Variants in ASTN2 observed in about 807,000 individuals in gnomAD.
ASTN2 encodes astrotactin-2.
In ASTN2, 54 loss-of-function variants were observed where a neutral mutation model predicts 139.8. The observed-to-expected ratio is 0.39, with a 90% CI of 0.31 to 0.48. ASTN2 has a LOEUF of 0.48. ASTN2 is among the 20% of genes least tolerant of loss of function. The pLI, the probability that ASTN2 is intolerant of heterozygous loss-of-function variation, is 0.95. For synonymous variants in ASTN2, 756 were observed against 719.5 expected (o/e 1.05, Z -0.81); for missense variants, 1,565 against 1,725.1 (o/e 0.91, Z 1.64).
chr9:116,515,618 T>A (rs1470504790), intron 19 of ASTN2, among the ~76,000 whole-genome samples: 1 of 152,160 alleles, frequency 6.6e-6, no homozygotes, highest in Non-Finnish European at 1.5e-5. Context: ...CTTTTGGACT[T>A]CTGGTAGCCT....
rs1423679110 is a variant in ASTN2, at chr9:117,352,008, A to G, written c.443-60495T>C. ...TAAGTAAACACCGCTTACTATTAAT[A>G]TCTTTTTAATTGAATCAACTGTGAA... On this transcript the variant is annotated intron_variant, in intron 1 of 22. Coordinates refer to ENST00000313400, the MANE Select transcript of ASTN2 (RefSeq NM_001365068.1). Among the ~76,000 whole-genome samples the G allele has an allele frequency of 2.6e-5, 4 of 152,188 alleles. No homozygotes were observed. The East Asian group carries it at 5.8e-4, about 22-fold the overall frequency.
chr9:117,071,722 T>G (rs538996017), intron 5 of ASTN2, among the ~76,000 whole-genome samples: 11 of 149,792 alleles, frequency 7.3e-5, no homozygotes, highest in African/African-American at 1.0e-4. Flanking sequence ...GGTGCGCCGT[T>G]TCTTAAGCCG....
intron 20 of ASTN2, among the ~76,000 whole-genome samples, chr9:116,476,027 A>T (rs1024513473): frequency 6.6e-6 from 1 of 152,212 alleles, no homozygotes; most frequent in South Asian, 2.1e-4. Flanking sequence ...TGGTGGCTTA[A>T]AACAACAGAA....
At chr9:116,498,038 C>A (rs1014471800) in intron 19 of ASTN2, among the ~76,000 whole-genome samples, 14 of 152,218 alleles carry the variant, frequency 9.2e-5, no homozygotes, top group Admixed American at 9.2e-4. Flanking sequence ...GCCCTAGGAG[C>A]CCCTCTGTCC....
chr9:117,292,788 A>G (rs1036287280), intron 1 of ASTN2, among the ~76,000 whole-genome samples: 1 of 152,142 alleles, frequency 6.6e-6, no homozygotes, highest in Non-Finnish European at 1.5e-5. Flanking sequence ...TCCATGTCCC[A>G]CTGCAGCACC....
At chr9:116,598,815 A>AACCTTCACAGAGGTGAAGAT (rs1199641692) in intron 19 of ASTN2, among the ~76,000 whole-genome samples, 3 of 152,354 alleles carry the variant, frequency 2.0e-5, no homozygotes, top group African/African-American at 4.8e-5. Context: ...ATCTTAGATG[A>AACCTTCACAGAGGTGAAGAT]ACCTTCACAG....
chr9:116,810,010 T>C (rs1831123656), intron 12 of ASTN2, among the ~76,000 whole-genome samples: 1 of 152,190 alleles, frequency 6.6e-6, no homozygotes, highest in African/African-American at 2.4e-5. Context: ...TTGGAGACCA[T>C]GCGTTCCCGA....
At chr9:117,049,437 T>C (rs1838850226) in intron 5 of ASTN2, among the ~76,000 whole-genome samples, 1 of 152,184 alleles carries the variant, frequency 6.6e-6, no homozygotes, top group South Asian at 2.1e-4. Context: ...AGAACCACCA[T>C]TCTGTGGAAC....
chr9:116,725,979 G>A (rs760515204), intron 15 of ASTN2, 29 bp from the exon 16 acceptor site: 3 of 1,588,178 alleles, frequency 1.9e-6, no homozygotes, highest in South Asian at 2.3e-5. Context: ...TGTGGAGGTG[G>A]TCAGATGTGA....
intron 2 of ASTN2, among the ~76,000 whole-genome samples, chr9:117,248,097 G>C (rs146673462): frequency 6.6e-6 from 1 of 152,180 alleles, no homozygotes; most frequent in Non-Finnish European, 1.5e-5. Flanking sequence ...GTCAGTCAAC[G>C]CCCCAGCCTC....
intron 5 of ASTN2, among the ~76,000 whole-genome samples, chr9:117,056,389 G>C (rs7873770): frequency 6.6e-6 from 1 of 152,142 alleles, no homozygotes; most frequent in African/African-American, 2.4e-5. Context: ...CATTCATCTA[G>C]AAAACATTTC....
intron 12 of ASTN2, among the ~76,000 whole-genome samples, chr9:116,813,741 A>G (rs1831227773): frequency 6.6e-6 from 1 of 152,212 alleles, no homozygotes; most frequent in African/African-American, 2.4e-5. Context: ...ATCCTTAAAA[A>G]TATTAAGAAT....
intron 6 of ASTN2, among the ~76,000 whole-genome samples, chr9:117,036,658 A>G (rs1838392856): frequency 6.6e-6 from 1 of 152,152 alleles, no homozygotes; most frequent in Non-Finnish European, 1.5e-5. Flanking sequence ...AGAGCCTGCT[A>G]AAGTTATTCA....
intron 2 of ASTN2, among the ~76,000 whole-genome samples, chr9:117,233,364 C>T (rs1364981491): frequency 2.0e-5 from 3 of 152,178 alleles, no homozygotes; most frequent in Non-Finnish European, 2.9e-5. Context: ...GCTCAATACC[C>T]CCTTAGCCTG....
chr9:116,543,812 A>G (rs1337442902), intron 19 of ASTN2: 1 of 152,156 alleles, frequency 6.6e-6, no homozygotes, highest in Non-Finnish European at 1.5e-5. Context: ...CGCTGGCCCC[A>G]GAACTACTTG....
chr9:116,505,970 A>G (rs1456478593), intron 19 of ASTN2, among the ~76,000 whole-genome samples: 1 of 152,114 alleles, frequency 6.6e-6, no homozygotes, highest in Non-Finnish European at 1.5e-5. Context: ...CTGTAACTAA[A>G]TGGTATGCCC....
chr9:117,235,451 C>A (rs1312031471), intron 2 of ASTN2, among the ~76,000 whole-genome samples: 7 of 152,118 alleles, frequency 4.6e-5, no homozygotes. Flanking sequence ...TCTGTAGCAG[C>A]CCTATTATTA....
At chr9:117,230,277 A>C (rs546116488) in intron 2 of ASTN2, among the ~76,000 whole-genome samples, 1 of 151,912 alleles carries the variant, frequency 6.6e-6, no homozygotes, top group South Asian at 2.1e-4. Context: ...ATGAAGGTAC[A>C]AGCAGGGCCA....
At chr9:116,735,475 G>C (rs1018969241) in intron 13 of ASTN2, among the ~76,000 whole-genome samples, 1 of 152,178 alleles carries the variant, frequency 6.6e-6, no homozygotes, top group African/African-American at 2.4e-5. Flanking sequence ...CAGGATGGAG[G>C]GGTAGTCCAT....
Sources: allele counts gnomAD v4.1 joint callset (sites outside exome capture counted in the v4.1 genomes callset), GRCh38; gene constraint gnomAD v4.1.1; transcripts MANE v1.5; gene names NCBI Gene and HGNC (gene_info 2026-07-23, HGNC 2026-07-21).